DAB1: variants seen among roughly 807,000 people sequenced by gnomAD.
The protein encoded by DAB1 is DAB adaptor protein 1.
In DAB1, 15 loss-of-function variants were observed where a neutral mutation model predicts 64.6. The observed-to-expected ratio is 0.23, with a 90% CI of 0.16 to 0.36. The LOEUF (loss-of-function observed/expected upper bound fraction) is 0.36. DAB1 is among the 10% of genes least tolerant of loss of function. DAB1 has a pLI of 1.00. For missense variants in DAB1, 596 were observed against 706.7 expected, an observed-to-expected ratio of 0.84 and a Z score of 1.78; for synonymous variants, 235 against 251.9, an observed-to-expected ratio of 0.93 and a Z score of 0.64.
At chr1:57,587,405 GAC>G (rs1404006061) in intron 7 of DAB1, among the ~76,000 whole-genome samples, 1 of 152,146 alleles carries the variant, frequency 6.6e-6, no homozygotes, top group African/African-American at 2.4e-5. Context: ...AAAACTCTGA[GAC>G]ACAGATTGCT....
At chr1:57,381,706 T>C (rs1046706104) in intron 1 of DAB1, among the ~76,000 whole-genome samples, 10 of 152,152 alleles carry the variant, frequency 6.6e-5, no homozygotes, top group Non-Finnish European at 1.5e-5. Flanking sequence ...GGCTCCCAAA[T>C]CCACTGAAAT....
chr1:57,619,169 G>T (rs1645825677), intron 7 of DAB1, among the ~76,000 whole-genome samples: 1 of 152,130 alleles, frequency 6.6e-6, no homozygotes, highest in Non-Finnish European at 1.5e-5. Flanking sequence ...TTTATGACAG[G>T]AATATGATGG....
At chr1:57,537,236 TG>T (rs1644741008) in intron 7 of DAB1, among the ~76,000 whole-genome samples, 1 of 152,218 alleles carries the variant, frequency 6.6e-6, no homozygotes, top group Non-Finnish European at 1.5e-5. Context: ...TCTAGTAGAC[TG>T]GTTCCCAAAC....
chr1:57,468,282 C>T (rs1687022090), intron 7 of DAB1, among the ~76,000 whole-genome samples: 1 of 152,032 alleles, frequency 6.6e-6, no homozygotes, highest in Admixed American at 6.6e-5. Flanking sequence ...GCTAAAAGCA[C>T]GGAGGGAGGA....
At chr1:58,132,590 C>G (rs1354018572) in intron 5 of DAB1, among the ~76,000 whole-genome samples, 1 of 152,176 alleles carries the variant, frequency 6.6e-6, no homozygotes, top group East Asian at 1.9e-4. Flanking sequence ...GATGAAACAT[C>G]TCGATCTATC....
At chr1:57,771,436 T>C (rs1649556950) in intron 6 of DAB1, among the ~76,000 whole-genome samples, 1 of 152,150 alleles carries the variant, frequency 6.6e-6, no homozygotes, top group South Asian at 2.1e-4. Context: ...TGGCTATTTG[T>C]AGTAGAGTGT....
At chr1:57,585,982 A>G (rs1645375002) in intron 7 of DAB1, among the ~76,000 whole-genome samples, 2 of 152,180 alleles carry the variant, frequency 1.3e-5, no homozygotes, top group Admixed American at 6.6e-5. Context: ...TGTGGGATGA[A>G]GAGGGTACAA....
At chr1:57,199,410 A>G (rs1196137633) in intron 2 of DAB1, among the ~76,000 whole-genome samples, 1 of 152,170 alleles carries the variant, frequency 6.6e-6, no homozygotes, top group Non-Finnish European at 1.5e-5. Context: ...ACACCTGGAG[A>G]GAAGCAGTGT....
chr1:58,508,162 G>A (rs532536187), intron 2 of DAB1, among the ~76,000 whole-genome samples: 3 of 152,232 alleles, frequency 2.0e-5, no homozygotes, highest in East Asian at 3.9e-4. Flanking sequence ...CAAGCTAAAA[G>A]TATTAAAAGG....
At chr1:58,038,793 G>A (rs1209040074) in intron 5 of DAB1, among the ~76,000 whole-genome samples, 2 of 152,184 alleles carry the variant, frequency 1.3e-5, no homozygotes, top group African/African-American at 2.4e-5. Context: ...CTGCAATGAT[G>A]AGTCATAACA....
chr1:57,217,554 C>T (rs1569929908), intron 2 of DAB1, among the ~76,000 whole-genome samples: 1 of 152,026 alleles, frequency 6.6e-6, no homozygotes, highest in East Asian at 1.9e-4. Flanking sequence ...GAAACACATC[C>T]CTATCTTTTA....
At chr1:58,355,592 AC>A (rs1412675348) in intron 3 of DAB1, among the ~76,000 whole-genome samples, 1 of 152,138 alleles carries the variant, frequency 6.6e-6, no homozygotes, top group Non-Finnish European at 1.5e-5. Flanking sequence ...TTTGATGCTC[AC>A]TTTTTCCTTC....
intron 1 of DAB1, among the ~76,000 whole-genome samples, chr1:57,872,700 T>A (rs974408355): frequency 6.6e-6 from 1 of 151,926 alleles, no homozygotes; most frequent in Non-Finnish European, 1.5e-5. Flanking sequence ...AGGGGTATGG[T>A]CAGTGTTGTG....
chr1:57,345,361 A>C (rs1369493835), intron 1 of DAB1, among the ~76,000 whole-genome samples: 3 of 152,216 alleles, frequency 2.0e-5, no homozygotes, highest in Non-Finnish European at 4.4e-5. Flanking sequence ...CTCATCTGGG[A>C]AATGAAAATA....
intron 1 of DAB1, among the ~76,000 whole-genome samples, chr1:57,341,279 A>T (rs1677561370): frequency 6.6e-6 from 1 of 152,100 alleles, no homozygotes; most frequent in Non-Finnish European, 1.5e-5. Flanking sequence ...CTACCTTCAA[A>T]TCTGACCCAG....
At chr1:57,629,107 T>C (rs1366487086) in intron 7 of DAB1, among the ~76,000 whole-genome samples, 1 of 152,216 alleles carries the variant, frequency 6.6e-6, no homozygotes, top group African/African-American at 2.4e-5. Flanking sequence ...CATACAATTA[T>C]ATAAGTAATT....
At chr1:57,363,561 T>G (rs1328363915) in intron 1 of DAB1, among the ~76,000 whole-genome samples, 1 of 152,206 alleles carries the variant, frequency 6.6e-6, no homozygotes, top group Non-Finnish European at 1.5e-5. Flanking sequence ...AGTGTTTTTG[T>G]GAAAACTAAA....
chr1:58,295,340 A>G lies in DAB1; in HGVS notation n.309+48012T>C, dbSNP rs1179179985. 2.6e-5 allele frequency among the ~76,000 whole-genome samples: 4 copies of G among 152,132 alleles called. No homozygotes were observed. The East Asian group carries it at 7.7e-4, about 29-fold the overall frequency. On this transcript the variant is annotated intron_variant and non_coding_transcript_variant, in intron 4 of 20. Coordinates refer to the DAB1 transcript ENST00000485760. Reference sequence around the variant, plus strand: ...GAGAATTCTGAAGCCTGAGAGAGAAAATAATTGATTTCAGTCACGAGGCCA... The same window carrying G: ...GAGAATTCTGAAGCCTGAGAGAGAAGATAATTGATTTCAGTCACGAGGCCA...
chr1:57,962,716 T>G (rs1645555786), intron 5 of DAB1, among the ~76,000 whole-genome samples: 1 of 151,886 alleles, frequency 6.6e-6, no homozygotes, highest in South Asian at 2.1e-4. Context: ...TTTTTTAATT[T>G]AGCCACACAT....
Sources: gnomAD v4.1 joint callset for allele counts (sites outside exome capture counted in the v4.1 genomes callset) on GRCh38, gnomAD v4.1.1 for gene constraint, MANE v1.5 for transcripts, NCBI Gene and HGNC (gene_info 2026-07-23, HGNC 2026-07-21) for gene names.